CACNA1E: variants seen among roughly 807,000 people sequenced by gnomAD.
CACNA1E encodes the protein voltage-dependent R-type calcium channel subunit alpha-1E.
A neutral mutation model predicts 259.2 loss-of-function variants in CACNA1E; 40 were observed. That is an observed-to-expected ratio of 0.15 (90% CI 0.12 to 0.20). The LOEUF is 0.20. Among genes scored for constraint, CACNA1E ranks in the 10% least tolerant of loss-of-function variants. CACNA1E has a pLI of 1.00. For missense variants in CACNA1E, 1,874 were observed against 3,040.1 expected, an observed-to-expected ratio of 0.62 and a Z score of 9.02; for synonymous variants, 1,104 against 1,138.5, an observed-to-expected ratio of 0.97 and a Z score of 0.61.
intron 1 of CACNA1E, among the ~76,000 whole-genome samples, chr1:181,400,838 G>A (rs989056717): frequency 6.6e-6 from 1 of 152,148 alleles, no homozygotes; most frequent in Non-Finnish European, 1.5e-5. Context: ...GGGTTTGAGA[G>A]GGTCACGCTT....
chr1:181,665,615 C>T (rs1300173750), intron 7 of CACNA1E, among the ~76,000 whole-genome samples: 1 of 152,026 alleles, frequency 6.6e-6, no homozygotes, highest in Non-Finnish European at 1.5e-5. Flanking sequence ...TTTAATTGTT[C>T]TCACCACAAA....
chr1:181,443,330 A>C (rs546827199), intron 2 of CACNA1E, among the ~76,000 whole-genome samples: 1 of 152,326 alleles, frequency 6.6e-6, no homozygotes, highest in African/African-American at 2.4e-5. Flanking sequence ...CCTCCAGTAG[A>C]TGTTTGACAC....
intron 6 of CACNA1E, among the ~76,000 whole-genome samples, chr1:181,645,135 T>C (rs1658147099): frequency 6.6e-6 from 1 of 152,152 alleles, no homozygotes; most frequent in Admixed American, 6.5e-5. Context: ...CTGATTCCTG[T>C]GGATGGCTCA....
At chr1:181,630,571 G>C (rs969898873) in intron 6 of CACNA1E, among the ~76,000 whole-genome samples, 2 of 152,038 alleles carry the variant, frequency 1.3e-5, no homozygotes, top group African/African-American at 4.8e-5. Context: ...TACGGCCCAG[G>C]CACTCCTCTG....
chr1:181,642,939 GC>G (rs11357696), intron 6 of CACNA1E, among the ~76,000 whole-genome samples: 30,614 of 152,006 alleles, frequency 0.2, 3,432 homozygotes, highest in African/African-American at 0.29. Flanking sequence ...CTTTGTTATT[GC>G]ATGATAGTTG....
At chr1:181,608,451 G>T (rs78793648) in intron 6 of CACNA1E, among the ~76,000 whole-genome samples, 2,239 of 152,262 alleles carry the variant, frequency 0.015, 51 homozygotes, top group Non-Finnish European at 0.025. Flanking sequence ...CTGCAGACAA[G>T]GGGGGCTACA....
intron 3 of CACNA1E, among the ~76,000 whole-genome samples, chr1:181,537,831 CAG>C (rs1176227929): frequency 6.6e-6 from 1 of 152,170 alleles, no homozygotes; most frequent in African/African-American, 2.4e-5. Flanking sequence ...GATGAAGAAA[CAG>C]AGGTACAGTG....
intron 1 of CACNA1E, among the ~76,000 whole-genome samples, chr1:181,358,184 T>A (rs1653600939): frequency 3.9e-5 from 6 of 152,154 alleles, no homozygotes; most frequent in Admixed American, 3.9e-4. Context: ...CAGGTCTTCC[T>A]CACTACAATG....
At chr1:181,487,282 T>G (rs1002120275) in intron 1 of CACNA1E, among the ~76,000 whole-genome samples, 2 of 152,146 alleles carry the variant, frequency 1.3e-5, no homozygotes, top group African/African-American at 2.4e-5. Flanking sequence ...TCTGAAAAGA[T>G]TGGTTAAGTA....
chr1:181,743,626 G>A (rs1420358088), intron 25 of CACNA1E, among the ~76,000 whole-genome samples: 1 of 152,200 alleles, frequency 6.6e-6, no homozygotes, highest in African/African-American at 2.4e-5. Flanking sequence ...GCAAACAGGT[G>A]GGCAGGGACA....
intron 2 of CACNA1E, among the ~76,000 whole-genome samples, chr1:181,450,614 A>AT (rs1660273050): frequency 6.6e-6 from 1 of 152,184 alleles, no homozygotes; most frequent in African/African-American, 2.4e-5. Context: ...AATATCATGG[A>AT]TGGAGGTATG....
chr1:181,602,273 A>G (rs1054994373), intron 6 of CACNA1E, among the ~76,000 whole-genome samples: 5 of 152,242 alleles, frequency 3.3e-5, no homozygotes, highest in African/African-American at 1.2e-4. Flanking sequence ...GTTGATGCTC[A>G]GGTTAGTACC....
chr1:181,361,175 G>A (rs1165360800), intron 1 of CACNA1E, among the ~76,000 whole-genome samples: 2 of 152,080 alleles, frequency 1.3e-5, no homozygotes, highest in African/African-American at 4.8e-5. Flanking sequence ...CTGAGGGCTG[G>A]GCTTTGAAGA....
intron 7 of CACNA1E, among the ~76,000 whole-genome samples, chr1:181,690,655 G>A (rs973736488): frequency 3.9e-4 from 60 of 152,242 alleles, no homozygotes; most frequent in Admixed American, 1.3e-3. Context: ...ATTTCCTTGA[G>A]CAGTGGTTTG....
intron 6 of CACNA1E, among the ~76,000 whole-genome samples, chr1:181,608,103 C>G (rs983504488): frequency 2.0e-5 from 3 of 152,170 alleles, no homozygotes; most frequent in African/African-American, 7.2e-5. Context: ...AATTGCCACA[C>G]TGATGCTTCT....
At chr1:181,382,000 A>T (rs1210460218) in intron 1 of CACNA1E, among the ~76,000 whole-genome samples, 1 of 152,228 alleles carries the variant, frequency 6.6e-6, no homozygotes, top group Non-Finnish European at 1.5e-5. Context: ...AGCAGAAGGC[A>T]GGAGAGTAGA....
chr1:181,510,580 C>T lies in CACNA1E; in HGVS notation c.370C>T (p.Leu124=). ...TGACAAGACCCCCATGTCCCGAAGA[C>T]TGGTATGTGATTCCCCTCCTTCTCC... ...EDDKTPMSRR[L]EKTEPYFIGI... The change falls in exon 2 of 48, where the codon CTG becomes TTG. Residue 124 remains leucine, a splice_region_variant and synonymous_variant. Transcript: ENST00000367573. 1.3e-6 allele frequency: 2 copies of T among 1,596,014 alleles called. No homozygotes were observed. Among genetic ancestry groups the T allele is most frequent in the Non-Finnish European group, 1.7e-6 (2 of 1,163,510 alleles).
intron 1 of CACNA1E, among the ~76,000 whole-genome samples, chr1:181,388,610 C>T (rs373210166): frequency 5.9e-5 from 9 of 152,092 alleles, no homozygotes; most frequent in East Asian, 1.9e-4. Flanking sequence ...TATTATAAGC[C>T]GGGCACGGTG....
chr1:181,781,222 C>T (rs1378342816), intron 38 of CACNA1E, among the ~76,000 whole-genome samples: 1 of 152,164 alleles, frequency 6.6e-6, no homozygotes, highest in Non-Finnish European at 1.5e-5. Flanking sequence ...CCTTGATTAA[C>T]AGGTTTCCTA....
Sources: gnomAD v4.1 joint callset for allele counts (sites outside exome capture counted in the v4.1 genomes callset) on GRCh38, gnomAD v4.1.1 for gene constraint, MANE v1.5 for transcripts, NCBI Gene and HGNC (gene_info 2026-07-23, HGNC 2026-07-21) for gene names.